ACLY: variants seen among roughly 807,000 people sequenced by gnomAD.
The protein encoded by ACLY is ATP-citrate synthase.
Under a neutral mutation model 133.0 loss-of-function variants are expected in ACLY, and 41 were observed. The ratio of observed to expected loss-of-function variants is 0.31; its 90% CI spans 0.24 to 0.40. The LOEUF (loss-of-function observed/expected upper bound fraction) is 0.40, where lower values mean the gene tolerates loss of function less well. Ranked by LOEUF, ACLY falls within the 10% of genes least tolerant of loss-of-function variation. The pLI is 1.00. For synonymous variants in ACLY, 495 were observed against 549.3 expected, an observed-to-expected ratio of 0.90 and a Z score of 1.38; for missense variants, 1,046 against 1,453.8, an observed-to-expected ratio of 0.72 and a Z score of 4.56.
chr17:41,911,157 C>G (rs1393534692), intron 3 of ACLY, among the ~76,000 whole-genome samples: 1 of 152,200 alleles, frequency 6.6e-6, no homozygotes, highest in East Asian at 1.9e-4. Flanking sequence ...GGGCCAGAAA[C>G]TGGGAAATTA....
At chr17:41,895,792 G>A (rs183563744) in intron 14 of ACLY, among the ~76,000 whole-genome samples, 2 of 152,052 alleles carry the variant, frequency 1.3e-5, no homozygotes, top group African/African-American at 4.8e-5. Context: ...GCTGGTTATC[G>A]ACCCTGCCAA....
intron 10 of ACLY, chr17:41,904,349 G>C (rs1316975284): frequency 2.2e-5 from 3 of 136,548 alleles, no homozygotes; most frequent in African/African-American, 9.2e-5. Flanking sequence ...GGAAGGGAAG[G>C]GAAGAAGGAA....
chr17:41,867,918 AAC>A lies in ACLY; in HGVS notation c.3212-16_3212-15del, dbSNP rs1462757862. ...CAAGATAGTGTCCTAAAATGAAGCA[AAC>A]ACATCTTTTTTATTAGAGCTTCATA... On this transcript the variant is annotated splice_polypyrimidine_tract_variant and intron_variant, in intron 28 of 28. Coordinates refer to ENST00000352035, the MANE Select transcript of ACLY (RefSeq NM_001096.3). 2.5e-6 allele frequency: 4 copies of A among 1,586,388 alleles called. No homozygotes were observed. The highest frequency in any genetic ancestry group is 3.5e-6 in the Non-Finnish European group (4 of 1,159,352).
chr17:41,892,240 T>TGGGGGGGGGGGGGGGG, intron 16 of ACLY, 39 bp downstream of exon 16: 7 of 400,152 alleles, frequency 1.7e-5, no homozygotes, highest in East Asian at 9.4e-5. Flanking sequence ...GCATAGTTCA[T>TGGGGGGGGGGGGGGGG]GGTCCCCACC....
intron 17 of ACLY, among the ~76,000 whole-genome samples, chr17:41,886,953 G>A (rs2049063123): frequency 6.6e-6 from 1 of 151,782 alleles, no homozygotes; most frequent in South Asian, 2.1e-4. Context: ...GTGAAACCCT[G>A]TCTCTACTAA....
At chr17:41,923,438 T>C (rs1476486684), upstream of ACLY, among the ~76,000 whole-genome samples, 1 of 152,218 alleles carries the variant, frequency 6.6e-6, no homozygotes, top group Admixed American at 6.5e-5. Context: ...AGCAGCCACT[T>C]GAGCTAACTA....
intron 21 of ACLY, 118 bp from the exon 22 acceptor site, chr17:41,878,314 C>T: frequency 1.7e-6 from 1 of 603,092 alleles, no homozygotes; most frequent in Non-Finnish European, 2.7e-6. Flanking sequence ...TTACTCTTAC[C>T]TGCTGAATTC....
rs1555634970 is a variant in ACLY, at chr17:41,918,919, C to T, written c.-63G>A. On this transcript the variant is annotated 5_prime_UTR_variant, in exon 1 of 29. Transcript: ENST00000352035. ...GTGCGCGGCGCTTCTTCCACAGGCC[C>T]GACGAACCCCGCAAAATCCGGAGCA... is the stretch of plus-strand genomic sequence containing the variant. 7.8e-7 allele frequency: 1 copy of T among 1,289,172 alleles called. No homozygotes were observed. Among genetic ancestry groups the T allele is most frequent in the South Asian group, 1.2e-5 (1 of 80,836 alleles). 79.9% of individuals were successfully genotyped at this position (1,289,172 alleles called of 1,614,324 possible).
At chr17:41,872,273 G>T in intron 23 of ACLY, 91 bp from the exon 24 acceptor site, 1 of 1,315,604 alleles carries the variant, frequency 7.6e-7, no homozygotes, top group South Asian at 1.3e-5. Context: ...TCAAATCCAA[G>T]AAGGGTAACT....
intron 23 of ACLY, among the ~76,000 whole-genome samples, chr17:41,873,159 A>G (rs1243430951): frequency 1.3e-5 from 2 of 151,950 alleles, no homozygotes; most frequent in South Asian, 2.1e-4. Flanking sequence ...CAAATTTGCA[A>G]AGTGAACACA....
chr17:41,868,168 G>A (rs1235298139), intron 28 of ACLY, among the ~76,000 whole-genome samples: 1 of 152,064 alleles, frequency 6.6e-6, no homozygotes, highest in Non-Finnish European at 1.5e-5. Context: ...GCCGGGCACG[G>A]TGGTTCACGC....
intron 14 of ACLY, among the ~76,000 whole-genome samples, chr17:41,894,216 C>CAA (rs58375126): frequency 9.7e-6 from 1 of 102,676 alleles, no homozygotes; most frequent in Non-Finnish European, 2.0e-5. Flanking sequence ...GACTCCATCT[C>CAA]AAAAAAAAAA....
chr17:41,902,937 C>T (rs1555631889), intron 10 of ACLY, among the ~76,000 whole-genome samples: 1 of 152,162 alleles, frequency 6.6e-6, no homozygotes, highest in East Asian at 1.9e-4. Context: ...AGCAATCCTC[C>T]TAGCTCAACC....
rs1200248814 is a variant in ACLY, at chr17:41,909,395, G to T, written c.536+115C>A. The T allele has an allele frequency of 4.3e-6, 5 of 1,167,370 alleles. No individual in the cohort carries two copies. In the African/African-American group the frequency reaches 6.1e-5, roughly 14 times the overall value. The allele number at this position is 1,167,370 out of a possible 1,614,324, so 72.3% of individuals were successfully genotyped here. A position where few individuals can be genotyped will look rare whatever the true frequency, so the allele number is the denominator to read the frequency against. ...CAGCTGTCTTCCTCAGGACAGGGCC[G>T]TGTCTACCACCTGGCTCCCAGAGAG... is the stretch of plus-strand genomic sequence containing the variant. On this transcript the variant is annotated intron_variant, in intron 5 of 28. Transcript: ENST00000352035.
intron 22 of ACLY, among the ~76,000 whole-genome samples, chr17:41,876,514 G>A (rs1229650529): frequency 2.6e-5 from 4 of 152,258 alleles, no homozygotes; most frequent in South Asian, 2.1e-4. Context: ...GATGGTTGCC[G>A]TGTCTGTGTA....
chr17:41,919,554 C>T (rs1275031354), upstream of ACLY, among the ~76,000 whole-genome samples: 1 of 152,250 alleles, frequency 6.6e-6, no homozygotes, highest in East Asian at 1.9e-4. Flanking sequence ...ACAGAGCATA[C>T]TTCCCAGTGT....
At chr17:41,911,644 A>G (rs2049903669) in intron 3 of ACLY, among the ~76,000 whole-genome samples, 1 of 150,570 alleles carries the variant, frequency 6.6e-6, no homozygotes, top group South Asian at 2.1e-4. Context: ...TCAAGACCCT[A>G]ACTCTATAAA....
At position 41,885,282 on chromosome 17, in the gene ACLY, A is replaced by C. The variant is rs8075051; in HGVS notation, c.2072+830T>G. 1.4e-3 allele frequency among the ~76,000 whole-genome samples: 215 copies of C among 152,238 alleles called. 1 individual carries two copies. Among genetic ancestry groups the C allele is most frequent in the African/African-American group, 5.0e-3 (208 of 41,540 alleles). ...TGAGCCTTTGGTCAGGCAGTACCCAAGGACTGGGGATTCCCAGGCTACACC... is the reference window on the plus strand; with the variant it reads ...TGAGCCTTTGGTCAGGCAGTACCCACGGACTGGGGATTCCCAGGCTACACC... On this transcript the variant is annotated intron_variant, in intron 18 of 28. Transcript: ENST00000352035.
intron 3 of ACLY, among the ~76,000 whole-genome samples, chr17:41,911,883 G>A (rs1555633696): frequency 6.6e-6 from 1 of 152,132 alleles, no homozygotes; most frequent in Admixed American, 6.5e-5. Flanking sequence ...GGGAAGCCGA[G>A]GCAGGCAGAT....
Sources: allele counts gnomAD v4.1 joint callset (sites outside exome capture counted in the v4.1 genomes callset), GRCh38; gene constraint gnomAD v4.1.1; transcripts MANE v1.5; gene names NCBI Gene and HGNC (gene_info 2026-07-23, HGNC 2026-07-21).